Variants in SPAG16 observed in about 807,000 individuals in gnomAD.
The protein encoded by SPAG16 is sperm associated antigen 16.
In SPAG16, 86 loss-of-function variants were observed where a neutral mutation model predicts 80.4. The observed-to-expected ratio is 1.07, with a 90% confidence interval of 0.90 to 1.28. SPAG16 has a LOEUF of 1.28. Ranked by LOEUF, SPAG16 falls within the 50% of genes most tolerant of loss-of-function variation. The pLI is 0.00. For synonymous variants in SPAG16, 294 were observed against 265.9 expected (o/e 1.11, Z -1.03); for missense variants, 870 against 765.3 (o/e 1.14, Z -1.61).
At chr2:213,708,472 C>T (rs764710752) in intron 10 of SPAG16, among the ~76,000 whole-genome samples, 2 of 151,884 alleles carry the variant, frequency 1.3e-5, no homozygotes, top group African/African-American at 2.4e-5. Context: ...GAAGTCGAGG[C>T]GGGTAGATCA....
Position 213,416,683 on chromosome 2 carries a change from G to T in SPAG16, c.942+41564G>T, listed in dbSNP as rs2125416222. 1.3e-5 allele frequency among the ~76,000 whole-genome samples: 2 copies of T among 152,270 alleles called. 1 individual carries two copies. Among genetic ancestry groups the T allele is most frequent in the South Asian group, 4.2e-4 (2 of 4,814 alleles). ...CGTAGGTCTTTCCTGGCTATCCCGGGGTGGGGGCTAAAGAGGAGCGTTTTG... is the reference window on the plus strand; with the variant it reads ...CGTAGGTCTTTCCTGGCTATCCCGGTGTGGGGGCTAAAGAGGAGCGTTTTG... On this transcript the variant is annotated intron_variant, in intron 9 of 15. Transcript: ENST00000331683.
chr2:213,371,943 A>G (rs948910773), intron 8 of SPAG16, among the ~76,000 whole-genome samples: 6 of 152,170 alleles, frequency 3.9e-5, no homozygotes, highest in Non-Finnish European at 7.4e-5. Flanking sequence ...TTTTACATTT[A>G]TTCTTTATGG....
intron 13 of SPAG16, among the ~76,000 whole-genome samples, chr2:214,026,748 T>C (rs2125030398): frequency 6.6e-6 from 1 of 151,624 alleles, no homozygotes; most frequent in East Asian, 1.9e-4. Flanking sequence ...TACTATACAG[T>C]AAATATTGTA....
At chr2:213,475,635 G>A (rs1323883991) in intron 9 of SPAG16, among the ~76,000 whole-genome samples, 1 of 152,164 alleles carries the variant, frequency 6.6e-6, no homozygotes, top group Non-Finnish European at 1.5e-5. Context: ...AAGCAGAAAG[G>A]ACTAGTTGGC....
At chr2:213,708,278 A>G (rs1470124489) in intron 10 of SPAG16, among the ~76,000 whole-genome samples, 2 of 152,240 alleles carry the variant, frequency 1.3e-5, no homozygotes, top group Non-Finnish European at 2.9e-5. Flanking sequence ...CCCTTCTAAC[A>G]TGCCACCTAA....
intron 10 of SPAG16, among the ~76,000 whole-genome samples, chr2:213,666,988 A>G (rs1054410642): frequency 6.6e-6 from 1 of 152,220 alleles, no homozygotes; most frequent in African/African-American, 2.4e-5. Context: ...AAGTCCAGAA[A>G]TGTATTGATA....
At position 213,967,874 on chromosome 2, in the gene SPAG16, C is replaced by T. The variant is rs967468930; in HGVS notation, c.1400+37729C>T. Among the ~76,000 whole-genome samples, 10 of 152,046 alleles carry T rather than the reference C, an allele frequency of 6.6e-5. No homozygotes were observed. The East Asian group carries it at 1.9e-3, about 29-fold the overall frequency. The stretch of plus-strand genomic sequence containing the variant: ...TTTTATGGGACTTGAAGAACCATAG[C>T]ACTATTTTAAATGATAATGCTGGTT... On this transcript the variant is annotated intron_variant, in intron 12 of 15. Transcript: ENST00000331683.
intron 10 of SPAG16, among the ~76,000 whole-genome samples, chr2:213,558,412 T>C (rs1192437176): frequency 6.6e-6 from 1 of 152,034 alleles, no homozygotes; most frequent in South Asian, 2.1e-4. Context: ...TATAATAAAA[T>C]ATGAATAAAA....
At chr2:213,499,931 A>G (rs1231136311) in intron 10 of SPAG16, among the ~76,000 whole-genome samples, 1 of 152,120 alleles carries the variant, frequency 6.6e-6, no homozygotes, top group Non-Finnish European at 1.5e-5. Flanking sequence ...AGTATTCCTA[A>G]GACTTTCACT....
At chr2:213,377,903 A>T (rs1400750069) in intron 9 of SPAG16, among the ~76,000 whole-genome samples, 765 of 20,686 alleles carry the variant, frequency 0.037, 6 homozygotes, top group South Asian at 0.046. Context: ...ATATATATAT[A>T]TTTTTTTTTT....
At chr2:214,362,833 G>A (rs1699263906) in intron 15 of SPAG16, among the ~76,000 whole-genome samples, 1 of 151,982 alleles carries the variant, frequency 6.6e-6, no homozygotes, top group East Asian at 1.9e-4. Flanking sequence ...AGGGTGGAAT[G>A]TGATGAATGC....
chr2:214,401,899 T>C (rs944820322), intron 15 of SPAG16, among the ~76,000 whole-genome samples: 1 of 152,080 alleles, frequency 6.6e-6, no homozygotes, highest in Admixed American at 6.6e-5. Context: ...AAAATAGATA[T>C]TCTGAATTTT....
intron 9 of SPAG16, among the ~76,000 whole-genome samples, chr2:213,415,631 T>G (rs1217931293): frequency 6.6e-6 from 1 of 152,180 alleles, no homozygotes; most frequent in Non-Finnish European, 1.5e-5. Flanking sequence ...GAAACAGGAA[T>G]CTTCAGATGT....
At chr2:213,834,292 T>G (rs759347866) in intron 10 of SPAG16, among the ~76,000 whole-genome samples, 61 of 152,140 alleles carry the variant, frequency 4.0e-4, no homozygotes, top group Non-Finnish European at 7.2e-4. Context: ...CATAAAAATT[T>G]TATTTAGCAA....
intron 15 of SPAG16, among the ~76,000 whole-genome samples, chr2:214,365,633 G>A (rs763860621): frequency 1.6e-4 from 24 of 152,120 alleles, no homozygotes; most frequent in Non-Finnish European, 2.9e-5. Flanking sequence ...ATTTTTCACA[G>A]TATTTCCATT....
At chr2:214,319,635 T>A (rs986233298) in intron 15 of SPAG16, among the ~76,000 whole-genome samples, 10 of 152,322 alleles carry the variant, frequency 6.6e-5, no homozygotes, top group Admixed American at 6.5e-4. Flanking sequence ...GAAGATTATT[T>A]TTTTAAAGGA....
chr2:213,972,149 T>C (rs1052591160), intron 12 of SPAG16, among the ~76,000 whole-genome samples: 1 of 151,876 alleles, frequency 6.6e-6, no homozygotes, highest in Non-Finnish European at 1.5e-5. Flanking sequence ...TTCCTAATGA[T>C]GAAAAATGTT....
intron 12 of SPAG16, among the ~76,000 whole-genome samples, chr2:214,002,346 AAAAC>A (rs1487829630): frequency 1.3e-5 from 2 of 152,242 alleles, no homozygotes; most frequent in Non-Finnish European, 1.5e-5. Flanking sequence ...AAATAAATAA[AAAAC>A]AAAACAATAA....
At chr2:214,182,967 C>T (rs2057353432) in intron 15 of SPAG16, among the ~76,000 whole-genome samples, 4 of 151,930 alleles carry the variant, frequency 2.6e-5, no homozygotes, top group Admixed American at 6.6e-5. Context: ...GAGGTCATAG[C>T]GATGAAGTGC....
Sources: gnomAD v4.1 joint callset for allele counts (sites outside exome capture counted in the v4.1 genomes callset) on GRCh38, gnomAD v4.1.1 for gene constraint, MANE v1.5 for transcripts, NCBI Gene and HGNC (gene_info 2026-07-23, HGNC 2026-07-21) for gene names.